The following SLC24A4 variants were observed in gnomAD, a reference collection of about 807,000 sequenced individuals.
SLC24A4 encodes the protein solute carrier family 24 member 4, also known as sodium/potassium/calcium exchanger 4.
SLC24A4 carries 53 observed loss-of-function variants against 79.0 expected under a neutral mutation model. The ratio of observed to expected loss-of-function variants is 0.67; its 90% CI spans 0.54 to 0.84. The LOEUF is 0.84. Among genes scored for constraint, SLC24A4 ranks in the 40% least tolerant of loss-of-function variants. The pLI, the probability that SLC24A4 is intolerant of heterozygous loss-of-function variation, is 0.00. For synonymous variants in SLC24A4, 323 were observed against 323.8 expected, an observed-to-expected ratio of 1.00 and a Z score of 0.03; for missense variants, 731 against 822.0, an observed-to-expected ratio of 0.89 and a Z score of 1.35.
chr14:92,445,177 T>C, intron 7 of SLC24A4, 140 bp from the exon 8 acceptor site: 1 of 927,628 alleles, frequency 1.1e-6, no homozygotes, highest in Non-Finnish European at 1.8e-6. Context: ...GGCCCGTAGG[T>C]GAGCAGCTCA....
In SLC24A4 at chr14:92,494,946, T is replaced by C. The variant is rs1895871998; in HGVS notation, c.*1318T>C. 2 of 152,672 alleles carry C rather than the reference T, an allele frequency of 1.3e-5. No homozygotes were observed. The highest frequency in any genetic ancestry group is 2.9e-5 in the Non-Finnish European group (2 of 68,042). The allele number at this position is 152,672 out of a possible 1,614,324, so 9.5% of individuals were successfully genotyped here. A position where few individuals can be genotyped will look rare whatever the true frequency, so the allele number is the denominator to read the frequency against. On this transcript the variant is annotated 3_prime_UTR_variant, in exon 17 of 17. Coordinates refer to ENST00000532405, the MANE Select transcript of SLC24A4 (RefSeq NM_153646.4). The surrounding 1 kb of genome is among the most constrained non-coding windows in gnomAD (Gnocchi z 4.6). ...AATACAAACCATTTATGGTTTATGA[T>C]TTCTAAAAAGAAAGCACAATTAATT...
chr14:92,333,453 G>A (rs1421201975), intron 2 of SLC24A4, among the ~76,000 whole-genome samples: 1 of 152,166 alleles, frequency 6.6e-6, no homozygotes, highest in East Asian at 1.9e-4. Context: ...TTTTGGTTTG[G>A]GTTTCCAATG....
chr14:92,333,660 A>T (rs8014907), intron 2 of SLC24A4, among the ~76,000 whole-genome samples: 33,013 of 152,138 alleles, frequency 0.22, 3,977 homozygotes, highest in African/African-American at 0.32. Flanking sequence ...CAGGCTGCTA[A>T]GGAGGGTCTG....
intron 2 of SLC24A4, among the ~76,000 whole-genome samples, chr14:92,375,963 A>C (rs1189580342): frequency 3.3e-5 from 5 of 152,246 alleles, no homozygotes; most frequent in Non-Finnish European, 7.3e-5. Flanking sequence ...ACTGTACAAA[A>C]TGCTACTGAA....
At position 92,495,354 on chromosome 14, in the gene SLC24A4, A is replaced by T. The variant is rs1306366446; in HGVS notation, c.*1726A>T. On this transcript the variant is annotated 3_prime_UTR_variant, in exon 17 of 17. Transcript: ENST00000532405. Reference sequence around the variant, plus strand: ...ATTTGGGATTCACATCAGTATTAGTATCGTAGCTACACCAAGTTCAGGCTT... The same window carrying T: ...ATTTGGGATTCACATCAGTATTAGTTTCGTAGCTACACCAAGTTCAGGCTT... The T allele has an allele frequency of 6.6e-6, 1 of 152,174 alleles. No individual in the cohort carries two copies. Among genetic ancestry groups the T allele is most frequent in the African/African-American group, 2.4e-5 (1 of 41,432 alleles). The allele number at this position is 152,174 out of a possible 1,614,324, so 9.4% of individuals were successfully genotyped here.
intron 2 of SLC24A4, among the ~76,000 whole-genome samples, chr14:92,344,052 C>T (rs1886386340): frequency 1.3e-5 from 2 of 152,200 alleles, no homozygotes; most frequent in Non-Finnish European, 2.9e-5. Flanking sequence ...CATTTACTTA[C>T]TTCCAGATCT....
At chr14:92,361,217 CTT>C (rs924203061) in intron 2 of SLC24A4, among the ~76,000 whole-genome samples, 1 of 145,200 alleles carries the variant, frequency 6.9e-6, no homozygotes, top group African/African-American at 2.5e-5. Context: ...TGTAACAGAA[CTT>C]TTTTTTTTTT....
chr14:92,466,032 G>A (rs1451735866), intron 12 of SLC24A4, among the ~76,000 whole-genome samples: 1 of 152,162 alleles, frequency 6.6e-6, no homozygotes, highest in East Asian at 1.9e-4. Context: ...CTAATGCCCT[G>A]AGGGTCATCA....
rs555406589 is a variant in SLC24A4, at chr14:92,476,151, A to G, written c.1256-6529A>G. Among the ~76,000 whole-genome samples the G allele has an allele frequency of 5.9e-5, 9 of 152,346 alleles. No individual in the cohort carries two copies. In the South Asian group the frequency reaches 1.7e-3, roughly 28 times the overall value. On this transcript the variant is annotated intron_variant, in intron 12 of 16. Transcript: ENST00000532405. ...TATACCCGCAAAGACGTTCCTGGGC[A>G]TTTAAGCATCCAGGGTTACAATTCC... is the stretch of plus-strand genomic sequence containing the variant.
rs1892512614 is a variant in SLC24A4, at chr14:92,441,787, C to T, written c.394-302C>T. 6.6e-6 allele frequency among the ~76,000 whole-genome samples: 1 copy of T among 152,346 alleles called. No homozygotes were observed. The highest frequency in any genetic ancestry group is 1.9e-4 in the East Asian group (1 of 5,188). ...TCGTGTATCTGAGGGAAGTGGCTAG[C>T]TCTGAGTGGATGCCTAGGAAGACTT... On this transcript the variant is annotated intron_variant, in intron 4 of 16. Transcript: ENST00000532405. This position sits in a 1 kb window ranked among gnomAD's most constrained non-coding sequence, Gnocchi z 4.6.
intron 2 of SLC24A4, among the ~76,000 whole-genome samples, chr14:92,370,350 G>T (rs761007757): frequency 1.3e-5 from 2 of 152,186 alleles, no homozygotes; most frequent in African/African-American, 4.8e-5. Flanking sequence ...CACTTTCTTT[G>T]TTGGGAAGAT....
intron 13 of SLC24A4, chr14:92,483,583 C>T (rs1895185023): frequency 2.4e-6 from 1 of 425,358 alleles, no homozygotes; most frequent in Non-Finnish European, 4.3e-6. Flanking sequence ...TGTAGCTCCT[C>T]ATAAGCTCCT....
At position 92,441,694 on chromosome 14, in the gene SLC24A4, G is replaced by A. The variant is rs918328567; in HGVS notation, c.394-395G>A. On this transcript the variant is annotated intron_variant, in intron 4 of 16. Transcript: ENST00000532405. The surrounding 1 kb of genome is among the most constrained non-coding windows in gnomAD (Gnocchi z 4.6). ...TTGCTGCCCTCATCATCCGGTGAGG[G>A]AAGGCAAGCGTGTGGACCACAAACC... 6.6e-6 allele frequency among the ~76,000 whole-genome samples: 1 copy of A among 152,368 alleles called. No homozygotes were observed. The highest frequency in any genetic ancestry group is 2.1e-4 in the South Asian group (1 of 4,832).
At chr14:92,422,225 G>GA (rs1304379937) in intron 2 of SLC24A4, among the ~76,000 whole-genome samples, 2 of 152,218 alleles carry the variant, frequency 1.3e-5, no homozygotes, top group Non-Finnish European at 2.9e-5. Context: ...AAGACTACAG[G>GA]AAAGTGTCCA....
chr14:92,414,848 T>C (rs1890895046), intron 2 of SLC24A4, among the ~76,000 whole-genome samples: 1 of 152,104 alleles, frequency 6.6e-6, no homozygotes. Flanking sequence ...CATGAGTGGG[T>C]GATAGAGAGT....
intron 12 of SLC24A4, among the ~76,000 whole-genome samples, chr14:92,477,435 T>C (rs1295007558): frequency 1.3e-5 from 2 of 152,160 alleles, no homozygotes; most frequent in South Asian, 4.1e-4. Flanking sequence ...ATTTTCATGG[T>C]CTATCTTTTC....
At chr14:92,403,881 A>G (rs1890241426) in intron 2 of SLC24A4, among the ~76,000 whole-genome samples, 1 of 130,218 alleles carries the variant, frequency 7.7e-6, no homozygotes, top group Admixed American at 9.5e-5. Flanking sequence ...CATGTTTTAC[A>G]TCTCTTCAGC....
At chr14:92,414,696 C>T (rs1365405843) in intron 2 of SLC24A4, among the ~76,000 whole-genome samples, 1 of 152,190 alleles carries the variant, frequency 6.6e-6, no homozygotes, top group Non-Finnish European at 1.5e-5. Context: ...GCTGTGATCG[C>T]ACCACCACAC....
At position 92,343,629 on chromosome 14, in the gene SLC24A4, T is replaced by C. The variant is rs1264393488; in HGVS notation, c.241+17651T>C. Among the ~76,000 whole-genome samples, 217 of 128,116 alleles carry C rather than the reference T, an allele frequency of 1.7e-3. 1 individual carries two copies. Among genetic ancestry groups the C allele is most frequent in the Middle Eastern group, 4.1e-3 (1 of 244 alleles). 84.0% of individuals were successfully genotyped at this position (128,116 alleles called of 152,430 possible). A position where few individuals can be genotyped will look rare whatever the true frequency, so the allele number is the denominator to read the frequency against. On this transcript the variant is annotated intron_variant, in intron 2 of 16. Transcript: ENST00000532405. ...CTTTCTTTCTTTCTTTCTTTCTTTC[T>C]TTCTTTCTTTCTCTCTTTCCTTCTT...
Sources: gnomAD v4.1 joint callset for allele counts (sites outside exome capture counted in the v4.1 genomes callset) on GRCh38, gnomAD v4.1.1 for gene constraint, Gnocchi (gnomAD v3.1) non-coding constraint, MANE v1.5 for transcripts, NCBI Gene and HGNC (gene_info 2026-07-23, HGNC 2026-07-21) for gene names.